Variants in DYTN observed in about 807,000 individuals in gnomAD.
DYTN encodes dystrotelin.
In DYTN, 75 loss-of-function variants were observed where a neutral mutation model predicts 69.6. The ratio of observed to expected loss-of-function variants is 1.08; its 90% CI spans 0.89 to 1.31. The LOEUF (loss-of-function observed/expected upper bound fraction) is 1.31, where lower values mean the gene tolerates loss of function less well. Among genes scored for constraint, DYTN ranks in the 50% most tolerant of loss-of-function variants. The pLI, the probability that DYTN is intolerant of heterozygous loss-of-function variation, is 0.00. For synonymous variants in DYTN, 252 were observed against 249.1 expected (o/e 1.01, Z -0.11); for missense variants, 726 against 688.4 (o/e 1.05, Z -0.61).
intron 9 of DYTN, among the ~76,000 whole-genome samples, chr2:206,690,981 A>G (rs573197681): frequency 2.0e-5 from 3 of 152,308 alleles, no homozygotes; most frequent in Admixed American, 6.5e-5. Context: ...CCTAAAAACG[A>G]TGGGAAAACG....
intron 9 of DYTN, among the ~76,000 whole-genome samples, chr2:206,672,781 G>A (rs1699643726): frequency 6.6e-6 from 1 of 152,026 alleles, no homozygotes; most frequent in Non-Finnish European, 1.5e-5. Flanking sequence ...ACACATGTGG[G>A]GGCAAATAAA....
chr2:206,691,502 A>G (rs1559313181), intron 9 of DYTN, among the ~76,000 whole-genome samples: 1 of 152,204 alleles, frequency 6.6e-6, no homozygotes, highest in East Asian at 1.9e-4. Flanking sequence ...ATATATATAG[A>G]TGATTAACAT....
Position 206,710,508 on chromosome 2 carries a change from G to A in DYTN, c.94+16C>T, listed in dbSNP as rs755633827. Reference sequence around the variant, plus strand: ...GCTCAGATTATTTCAAATATTTCAGGAGAGCCTATACTTACACTGGCACAG... The same window carrying A: ...GCTCAGATTATTTCAAATATTTCAGAAGAGCCTATACTTACACTGGCACAG... On this transcript the variant is annotated intron_variant, in intron 2 of 11. Transcript: ENST00000452335. 39 of 1,599,930 alleles carry A rather than the reference G, an allele frequency of 2.4e-5. No homozygotes were observed. Among genetic ancestry groups the A allele is most frequent in the Non-Finnish European group, 3.1e-5 (36 of 1,173,964 alleles).
intron 1 of DYTN, among the ~76,000 whole-genome samples, chr2:206,717,641 T>C (rs1700142056): frequency 6.6e-6 from 1 of 152,230 alleles, no homozygotes; most frequent in Non-Finnish European, 1.5e-5. Flanking sequence ...TTTATAATGT[T>C]GTTTTAGATA....
At chr2:206,678,863 G>A (rs1031239370) in intron 9 of DYTN, among the ~76,000 whole-genome samples, 1 of 152,114 alleles carries the variant, frequency 6.6e-6, no homozygotes, top group Non-Finnish European at 1.5e-5. Context: ...GAGATAAAAA[G>A]TTATTCAATA....
chr2:206,693,992 T>C (rs1699892507), intron 8 of DYTN, among the ~76,000 whole-genome samples: 1 of 152,236 alleles, frequency 6.6e-6, no homozygotes, highest in African/African-American at 2.4e-5. Context: ...ACTTGACTTT[T>C]GCAGGCCATT....
chr2:206,709,360 G>A (rs959061036), intron 2 of DYTN, among the ~76,000 whole-genome samples: 2 of 152,010 alleles, frequency 1.3e-5, no homozygotes, highest in Non-Finnish European at 2.9e-5. Flanking sequence ...GAGGTGGAAG[G>A]ATGGCTTCAG....
At chr2:206,681,106 T>C (rs1699746120) in intron 9 of DYTN, among the ~76,000 whole-genome samples, 4 of 152,206 alleles carry the variant, frequency 2.6e-5, no homozygotes, top group Admixed American at 2.6e-4. Context: ...GTTAGCTGTA[T>C]TCCTAGGTAT....
chr2:206,705,189 C>T lies in DYTN; in HGVS notation c.383-246G>A, dbSNP rs182973042. Reference sequence around the variant, plus strand: ...TTGGCTCACTGCAACCTCCACCTCCCGGATTCAAGCGATTCTCTTGCCTCA... The same window carrying T: ...TTGGCTCACTGCAACCTCCACCTCCTGGATTCAAGCGATTCTCTTGCCTCA... On this transcript the variant is annotated intron_variant, in intron 4 of 11. Coordinates refer to ENST00000452335, the MANE Select transcript of DYTN (RefSeq NM_001093730.1). Among the ~76,000 whole-genome samples, 56 of 152,314 alleles carry T rather than the reference C, an allele frequency of 3.7e-4. No individual in the cohort carries two copies. The East Asian group carries it at 8.3e-3, about 23-fold the overall frequency.
At chr2:206,694,922 G>T in intron 7 of DYTN, 45 bp from the exon 8 acceptor site, 260 of 713,966 alleles carry the variant, frequency 3.6e-4, no homozygotes, top group Non-Finnish European at 4.3e-4. Context: ...TAGTAGATGA[G>T]AAAAAAAAAA....
At chr2:206,713,545 T>C (rs1389272529) in intron 1 of DYTN, among the ~76,000 whole-genome samples, 2 of 152,232 alleles carry the variant, frequency 1.3e-5, no homozygotes, top group Admixed American at 1.3e-4. Context: ...TGGCCATGTC[T>C]GAGAGCTTCT....
intron 7 of DYTN, among the ~76,000 whole-genome samples, chr2:206,695,930 A>G (rs573903303): frequency 6.6e-6 from 1 of 152,310 alleles, no homozygotes; most frequent in South Asian, 2.1e-4. Flanking sequence ...TGGGTTTTCA[A>G]CACCTCTCTT....
intron 9 of DYTN, among the ~76,000 whole-genome samples, chr2:206,671,008 G>T (rs1459034580): frequency 6.6e-6 from 1 of 152,066 alleles, no homozygotes; most frequent in Non-Finnish European, 1.5e-5. Flanking sequence ...AATCCACCAA[G>T]TGTTTTGAAT....
At chr2:206,675,242 T>C (rs997993779) in intron 9 of DYTN, among the ~76,000 whole-genome samples, 1 of 144,778 alleles carries the variant, frequency 6.9e-6, no homozygotes, top group African/African-American at 2.6e-5. Flanking sequence ...TGTATATATG[T>C]AAATAAACAT....
rs757885217 is a variant in DYTN, at chr2:206,675,362, T to C, written c.981-9333A>G. Among the ~76,000 whole-genome samples, 26 of 149,842 alleles carry C rather than the reference T, an allele frequency of 1.7e-4. No homozygotes were observed. The Middle Eastern group carries it at 0.014, about 81-fold the overall frequency. ...ATATTTTTTTCAGATTGTGTGATTG[T>C]CTACCTAGAAGCAAGATGTTCAAAA... On this transcript the variant is annotated intron_variant, in intron 9 of 11. Coordinates refer to ENST00000452335, the MANE Select transcript of DYTN (RefSeq NM_001093730.1).
At chr2:206,683,118 T>A (rs1327402435) in intron 9 of DYTN, among the ~76,000 whole-genome samples, 5 of 152,166 alleles carry the variant, frequency 3.3e-5, no homozygotes, top group Non-Finnish European at 7.4e-5. Context: ...AAATTTGTAA[T>A]AGAAATATTG....
intron 11 of DYTN, among the ~76,000 whole-genome samples, chr2:206,653,895 T>C (rs534887976): frequency 6.6e-6 from 1 of 152,324 alleles, no homozygotes; most frequent in South Asian, 2.1e-4. Context: ...CGTCATCTCT[T>C]GGCTAGACTG....
At chr2:206,690,332 AG>A (rs1699851592) in intron 9 of DYTN, among the ~76,000 whole-genome samples, 1 of 152,232 alleles carries the variant, frequency 6.6e-6, no homozygotes, top group African/African-American at 2.4e-5. Context: ...GGAGAGGTGC[AG>A]TGGAGGACCA....
chr2:206,653,497 C>T (rs1362184230), intron 11 of DYTN, among the ~76,000 whole-genome samples: 1 of 152,124 alleles, frequency 6.6e-6, no homozygotes, highest in South Asian at 2.1e-4. Context: ...CAAAATAATT[C>T]ACTTAAATGT....
Sources: gnomAD v4.1 joint callset for allele counts (sites outside exome capture counted in the v4.1 genomes callset) on GRCh38, gnomAD v4.1.1 for gene constraint, MANE v1.5 for transcripts, NCBI Gene and HGNC (gene_info 2026-07-23, HGNC 2026-07-21) for gene names.